Variants in IPMK observed in about 807,000 individuals in gnomAD.
IPMK encodes inositol polyphosphate multikinase.
Under a neutral mutation model 45.8 loss-of-function variants are expected in IPMK, and 17 were observed. That is an observed-to-expected ratio of 0.37 (90% confidence interval 0.25 to 0.56). IPMK has a LOEUF of 0.56. Among genes scored for constraint, IPMK ranks in the 20% least tolerant of loss-of-function variants. The pLI is 0.79. For missense variants in IPMK, 399 were observed against 498.0 expected (o/e 0.80, Z 1.89); for synonymous variants, 180 against 184.3 (o/e 0.98, Z 0.19).
At chr10:58,217,688 CAAAAAAAAAAA>C (rs11393849) in intron 3 of IPMK, among the ~76,000 whole-genome samples, 2 of 49,266 alleles carry the variant, frequency 4.1e-5, no homozygotes, top group African/African-American at 1.9e-4. Context: ...AACTCCATCT[CAAAAAAAAAAA>C]AAAAAAAAAA....
chr10:58,237,926 G>T lies in IPMK; in HGVS notation c.191-112C>A, dbSNP rs1224034984. ...TAAACTACTTCCATTAAACTTAAGG[G>T]TTTACTTTTACTTATTTCAGAAATT... On this transcript the variant is annotated intron_variant, in intron 1 of 5. Coordinates refer to ENST00000373935, the MANE Select transcript of IPMK (RefSeq NM_152230.5). 6.8e-6 allele frequency: 5 copies of T among 737,428 alleles called. No homozygotes were observed. In the African/African-American group the frequency reaches 8.9e-5, roughly 13 times the overall value. 45.7% of individuals were successfully genotyped at this position (737,428 alleles called of 1,614,324 possible).
chr10:58,265,569 T>G (rs1839136338), intron 1 of IPMK, among the ~76,000 whole-genome samples: 1 of 152,218 alleles, frequency 6.6e-6, no homozygotes, highest in African/African-American at 2.4e-5. Context: ...ATCTGAGAAT[T>G]AAATTCAACA....
At chr10:58,202,709 C>T (rs1838014618) in intron 4 of IPMK, among the ~76,000 whole-genome samples, 1 of 152,074 alleles carries the variant, frequency 6.6e-6, no homozygotes. Flanking sequence ...GGGCTCAAAG[C>T]CTGGATGACA....
At chr10:58,215,310 C>T (rs1431070239) in intron 4 of IPMK, among the ~76,000 whole-genome samples, 3 of 151,986 alleles carry the variant, frequency 2.0e-5, no homozygotes, top group African/African-American at 7.3e-5. Flanking sequence ...TTGAGACTAG[C>T]TCAAATTGCA....
intron 1 of IPMK, among the ~76,000 whole-genome samples, chr10:58,243,220 T>A (rs1050550578): frequency 3.9e-5 from 6 of 151,990 alleles, no homozygotes; most frequent in Non-Finnish European, 5.9e-5. Flanking sequence ...CTATGTCCAT[T>A]GACAAATGAA....
chr10:58,198,547 G>A (rs1277655086), intron 5 of IPMK, among the ~76,000 whole-genome samples: 1 of 152,132 alleles, frequency 6.6e-6, no homozygotes, highest in East Asian at 1.9e-4. Context: ...TTAAGCTCAT[G>A]CTATGGATGT....
chr10:58,239,588 T>C (rs1348469332), intron 1 of IPMK, among the ~76,000 whole-genome samples: 1 of 152,130 alleles, frequency 6.6e-6, no homozygotes, highest in South Asian at 2.1e-4. Flanking sequence ...GATTAGAGAC[T>C]GTAATAATCC....
At chr10:58,230,522 A>G (rs974216943) in intron 2 of IPMK, among the ~76,000 whole-genome samples, 1 of 152,184 alleles carries the variant, frequency 6.6e-6, no homozygotes, top group Non-Finnish European at 1.5e-5. Flanking sequence ...CACTGGTGAT[A>G]ACCAGGCAAA....
intron 4 of IPMK, among the ~76,000 whole-genome samples, chr10:58,214,198 G>A (rs1384179036): frequency 1.3e-5 from 2 of 152,156 alleles, no homozygotes; most frequent in African/African-American, 2.4e-5. Flanking sequence ...GAGATAAGAA[G>A]GAATGAGATT....
intron 4 of IPMK, among the ~76,000 whole-genome samples, chr10:58,211,150 T>C (rs1329773037): frequency 2.0e-5 from 3 of 151,032 alleles, no homozygotes; most frequent in East Asian, 3.9e-4. Context: ...TCAAGATCAG[T>C]AGGATTGATG....
intron 4 of IPMK, among the ~76,000 whole-genome samples, chr10:58,200,415 G>A (rs902324312): frequency 3.3e-5 from 5 of 151,854 alleles, no homozygotes; most frequent in South Asian, 4.2e-4. Context: ...CACCACGCCC[G>A]GCCTCAATAA....
At chr10:58,260,617 T>G (rs1839049704) in intron 1 of IPMK, among the ~76,000 whole-genome samples, 1 of 152,184 alleles carries the variant, frequency 6.6e-6, no homozygotes, top group Non-Finnish European at 1.5e-5. Flanking sequence ...ATTAGTTCAC[T>G]GTACTATTCT....
chr10:58,250,837 G>A (rs1174522915), intron 1 of IPMK, among the ~76,000 whole-genome samples: 1 of 152,098 alleles, frequency 6.6e-6, no homozygotes, highest in South Asian at 2.1e-4. Context: ...TTATTGTTCT[G>A]AAGTATGTTC....
intron 4 of IPMK, among the ~76,000 whole-genome samples, chr10:58,207,580 T>C (rs2440859): frequency 0.083 from 12,577 of 152,138 alleles, 1,313 homozygotes; most frequent in African/African-American, 0.25. Flanking sequence ...TTTAAGTCCA[T>C]TGTTTCTTTG....
intron 1 of IPMK, among the ~76,000 whole-genome samples, chr10:58,252,082 G>T (rs959740915): frequency 6.6e-6 from 1 of 152,070 alleles, no homozygotes; most frequent in Non-Finnish European, 1.5e-5. Context: ...TTCCTTTGTA[G>T]TTAAGGATTT....
intron 4 of IPMK, among the ~76,000 whole-genome samples, chr10:58,213,555 C>T (rs1480960061): frequency 6.6e-6 from 1 of 152,036 alleles, no homozygotes; most frequent in Admixed American, 6.5e-5. Context: ...GATGTGGTGG[C>T]GGGTGCCTGT....
chr10:58,264,035 T>C (rs1403094108), intron 1 of IPMK, among the ~76,000 whole-genome samples: 1 of 152,204 alleles, frequency 6.6e-6, no homozygotes, highest in African/African-American at 2.4e-5. Context: ...TAAAAGACAT[T>C]ACAGTATTGG....
chr10:58,215,983 T>A (rs955121380), intron 4 of IPMK, among the ~76,000 whole-genome samples, 162 bp downstream of exon 4: 17 of 151,298 alleles, frequency 1.1e-4, no homozygotes, highest in East Asian at 9.7e-4. Context: ...AAAAAAAAAA[T>A]TTTTTAATCC....
At chr10:58,209,293 A>G (rs1369473314) in intron 4 of IPMK, among the ~76,000 whole-genome samples, 1 of 152,154 alleles carries the variant, frequency 6.6e-6, no homozygotes, top group African/African-American at 2.4e-5. Flanking sequence ...TCATGATCAC[A>G]GTGGCTGCCC....
Sources: gnomAD v4.1 joint callset for allele counts (sites outside exome capture counted in the v4.1 genomes callset) on GRCh38, gnomAD v4.1.1 for gene constraint, MANE v1.5 for transcripts, NCBI Gene and HGNC (gene_info 2026-07-23, HGNC 2026-07-21) for gene names.